CLYBL: variants seen among roughly 807,000 people sequenced by gnomAD.
CLYBL encodes citramalyl-CoA lyase, mitochondrial.
A neutral mutation model predicts 38.9 loss-of-function variants in CLYBL; 31 were observed. The observed-to-expected ratio is 0.80, with a 90% CI of 0.60 to 1.08. The LOEUF is 1.08. Among genes scored for constraint, CLYBL ranks in the 50% least tolerant of loss-of-function variants. The probability of loss-of-function intolerance (pLI) is 0.00; values close to 1 mark genes in which losing one functional copy is unlikely to be tolerated. For synonymous variants in CLYBL, 171 were observed against 158.6 expected (o/e 1.08, Z -0.59); for missense variants, 434 against 411.6 (o/e 1.05, Z -0.47).
At chr13:99,785,713 A>G (rs757921431) in intron 2 of CLYBL, among the ~76,000 whole-genome samples, 3 of 151,476 alleles carry the variant, frequency 2.0e-5, no homozygotes, top group Admixed American at 6.6e-5. Flanking sequence ...TCTTTGCCTC[A>G]GCCTCTCCGG....
Position 99,849,046 on chromosome 13 carries a change from G to A in CLYBL, c.250-9815G>A, listed in dbSNP as rs576596032. On this transcript the variant is annotated intron_variant, in intron 2 of 8. Coordinates refer to ENST00000339105, the MANE Select transcript of CLYBL (RefSeq NM_206808.5). The surrounding 1 kb of genome is among the most constrained non-coding windows in gnomAD (Gnocchi z 4.9). ...CCCAGCTACTTGGGAGGCTGAGGCT[G>A]GAGAATCGCTTGAACCCAGGAGGTG... Among the ~76,000 whole-genome samples, 1 of 152,152 alleles carries A rather than the reference G, an allele frequency of 6.6e-6. No individual in the cohort carries two copies. The highest frequency in any genetic ancestry group is 2.1e-4 in the South Asian group (1 of 4,812).
At chr13:99,765,405 A>C (rs1175594822) in intron 1 of CLYBL, among the ~76,000 whole-genome samples, 1 of 152,080 alleles carries the variant, frequency 6.6e-6, no homozygotes, top group Non-Finnish European at 1.5e-5. Context: ...ATTTGGGTCA[A>C]ATCTGTTTGG....
Position 99,818,421 on chromosome 13 carries a change from C to G in CLYBL, c.250-40440C>G, listed in dbSNP as rs530069698. ...ATGATAAAGCCACTGGCAGCCAGGACCCCTGAAGATCACATGGAGCAGAAA... is the reference window on the plus strand; with the variant it reads ...ATGATAAAGCCACTGGCAGCCAGGAGCCCTGAAGATCACATGGAGCAGAAA... On this transcript the variant is annotated intron_variant, in intron 2 of 8. Coordinates refer to ENST00000339105, the MANE Select transcript of CLYBL (RefSeq NM_206808.5). Among the ~76,000 whole-genome samples the G allele has an allele frequency of 2.0e-5, 3 of 149,070 alleles. No homozygotes were observed. In the Admixed American group the frequency reaches 2.0e-4, roughly 10 times the overall value.
intron 1 of CLYBL, among the ~76,000 whole-genome samples, chr13:99,731,846 G>C (rs2048596973): frequency 6.6e-6 from 1 of 152,172 alleles, no homozygotes; most frequent in South Asian, 2.1e-4. Flanking sequence ...CTCCACACCA[G>C]AATGGTTTCA....
intron 2 of CLYBL, among the ~76,000 whole-genome samples, chr13:99,796,651 T>G (rs1020308637): frequency 2.6e-5 from 4 of 152,206 alleles, no homozygotes; most frequent in African/African-American, 9.6e-5. Flanking sequence ...AGCTGCACTT[T>G]GATCACCACA....
intron 7 of CLYBL, among the ~76,000 whole-genome samples, chr13:99,890,990 T>G (rs772332518): frequency 6.6e-6 from 1 of 152,186 alleles, no homozygotes; most frequent in Non-Finnish European, 1.5e-5. Context: ...CTACATAATA[T>G]TTCAAAAATA....
chr13:99,888,948 G>T (rs372160764), intron 7 of CLYBL, among the ~76,000 whole-genome samples: 1 of 152,196 alleles, frequency 6.6e-6, no homozygotes, highest in African/African-American at 2.4e-5. Flanking sequence ...GGATATTCAC[G>T]CTAGGCAGTC....
At chr13:99,707,524 G>A (rs535990894) in intron 1 of CLYBL, among the ~76,000 whole-genome samples, 22 of 152,150 alleles carry the variant, frequency 1.4e-4, no homozygotes, top group Non-Finnish European at 2.6e-4. Flanking sequence ...TGCCCCCCTC[G>A]GCCTCCCAAA....
intron 2 of CLYBL, among the ~76,000 whole-genome samples, chr13:99,824,258 C>CCT (rs1555313212): frequency 3.7e-4 from 12 of 32,184 alleles, no homozygotes; most frequent in African/African-American, 1.2e-3. Flanking sequence ...TGACTAATAG[C>CCT]CCCCCCCACC....
intron 2 of CLYBL, among the ~76,000 whole-genome samples, chr13:99,790,646 T>G (rs1273477776): frequency 6.6e-6 from 1 of 152,194 alleles, no homozygotes. Flanking sequence ...CATGACTAAT[T>G]GTCTGAATCT....
intron 1 of CLYBL, among the ~76,000 whole-genome samples, chr13:99,682,204 C>T (rs1403566304): frequency 6.6e-6 from 1 of 151,452 alleles, no homozygotes; most frequent in African/African-American, 2.4e-5. Context: ...AATGCAGTGG[C>T]GCAGTCTCGG....
At chr13:99,773,056 T>C in intron 2 of CLYBL, 46 bp downstream of exon 2, 1 of 1,551,284 alleles carries the variant, frequency 6.4e-7, no homozygotes, top group South Asian at 1.2e-5. Context: ...TATTGAAATT[T>C]GCTTCTCTTC....
chr13:99,662,166 C>G (rs996472974), intron 1 of CLYBL, among the ~76,000 whole-genome samples: 4 of 152,178 alleles, frequency 2.6e-5, no homozygotes, highest in Non-Finnish European at 5.9e-5. Flanking sequence ...TTGTCGTTTA[C>G]TTTGTGATGC....
In CLYBL at chr13:99,832,991, T is replaced by TATAC. The variant is rs71121014; in HGVS notation, c.250-25854_250-25851dup. On this transcript the variant is annotated intron_variant, in intron 2 of 8. Transcript: ENST00000339105. Reference sequence around the variant, plus strand: ...TCATATATCATTTCATTAAGTAGTATATACATACATACATACATATATATA... The same window carrying TATAC: ...TCATATATCATTTCATTAAGTAGTATATACATACATACATACATACATATATATA... Among the ~76,000 whole-genome samples the TATAC allele has an allele frequency of 1.0e-3, 70 of 69,200 alleles. No homozygotes were observed. The East Asian group carries it at 0.014, about 14-fold the overall frequency. 45.4% of individuals were successfully genotyped at this position (69,200 alleles called of 152,430 possible).
chr13:99,904,351 C>T (rs2052672853), intron 8 of CLYBL, among the ~76,000 whole-genome samples: 2 of 152,186 alleles, frequency 1.3e-5, no homozygotes, highest in African/African-American at 4.8e-5. Context: ...AACATTGTAA[C>T]ATGATTTGGG....
chr13:99,861,373 A>AT (rs1166506562), intron 3 of CLYBL, among the ~76,000 whole-genome samples: 1 of 152,186 alleles, frequency 6.6e-6, no homozygotes, highest in East Asian at 1.9e-4. Flanking sequence ...AAAGTCCATG[A>AT]TTTTTGTAGT....
intron 2 of CLYBL, among the ~76,000 whole-genome samples, chr13:99,790,402 G>C (rs1594184895): frequency 6.6e-6 from 1 of 152,156 alleles, no homozygotes; most frequent in Non-Finnish European, 1.5e-5. Flanking sequence ...GGTGGTGACA[G>C]AATCTCTCAG....
At chr13:99,691,729 G>A (rs2047905997) in intron 1 of CLYBL, among the ~76,000 whole-genome samples, 1 of 152,276 alleles carries the variant, frequency 6.6e-6, no homozygotes, top group Admixed American at 6.5e-5. Context: ...AGCTAATAGC[G>A]ACTTCCTCCC....
chr13:99,876,981 C>T (rs1365093088), intron 7 of CLYBL, among the ~76,000 whole-genome samples: 1 of 152,176 alleles, frequency 6.6e-6, no homozygotes, highest in African/African-American at 2.4e-5. Flanking sequence ...CCTCCCTGCT[C>T]AGTGCTGCCC....
Sources: gnomAD v4.1 joint callset for allele counts (sites outside exome capture counted in the v4.1 genomes callset) on GRCh38, gnomAD v4.1.1 for gene constraint, Gnocchi (gnomAD v3.1) non-coding constraint, MANE v1.5 for transcripts, NCBI Gene and HGNC (gene_info 2026-07-23, HGNC 2026-07-21) for gene names.